CNTN4: variants seen among roughly 807,000 people sequenced by gnomAD.
CNTN4 encodes contactin-4.
CNTN4 carries 77 observed loss-of-function variants against 122.5 expected under a neutral mutation model. The ratio of observed to expected loss-of-function variants is 0.63; its 90% CI spans 0.52 to 0.76. The LOEUF is 0.76. CNTN4 is among the 30% of genes least tolerant of loss of function. CNTN4 has a pLI of 0.00. For missense variants in CNTN4, 1,256 were observed against 1,259.1 expected, an observed-to-expected ratio of 1.00 and a Z score of 0.04; for synonymous variants, 512 against 447.0, an observed-to-expected ratio of 1.15 and a Z score of -1.83.
chr3:2,215,906 A>AAAAAG (rs1213138846), intron 2 of CNTN4, among the ~76,000 whole-genome samples: 1 of 150,590 alleles, frequency 6.6e-6, no homozygotes, highest in Non-Finnish European at 1.5e-5. Flanking sequence ...AAAAAAAAAA[A>AAAAAG]AGAGTTCCCT....
intron 14 of CNTN4, among the ~76,000 whole-genome samples, chr3:2,994,145 C>T (rs1254707777): frequency 6.6e-6 from 1 of 152,088 alleles, no homozygotes; most frequent in Admixed American, 6.5e-5. Flanking sequence ...CTAAACCTCC[C>T]ACCGTCACCA....
At chr3:2,775,539 C>T (rs1246358149) in intron 6 of CNTN4, among the ~76,000 whole-genome samples, 2 of 152,166 alleles carry the variant, frequency 1.3e-5, no homozygotes, top group Non-Finnish European at 2.9e-5. Context: ...CATGCCTCAG[C>T]CTCCAGAGTA....
intron 3 of CNTN4, among the ~76,000 whole-genome samples, chr3:2,373,030 C>T (rs916509420): frequency 2.0e-5 from 3 of 152,144 alleles, no homozygotes; most frequent in Admixed American, 2.0e-4. Flanking sequence ...CTGGGCAACA[C>T]AGTAAGACTC....
At chr3:2,622,214 C>T (rs987421256) in intron 4 of CNTN4, among the ~76,000 whole-genome samples, 1 of 152,078 alleles carries the variant, frequency 6.6e-6, no homozygotes, top group Admixed American at 6.6e-5. Flanking sequence ...ATATTTATTA[C>T]CTTTTGGTGG....
At chr3:2,266,591 A>T in intron 2 of CNTN4, among the ~76,000 whole-genome samples, 1 of 152,084 alleles carries the variant, frequency 6.6e-6, no homozygotes, top group East Asian at 1.9e-4. Flanking sequence ...GTGCCTGTAT[A>T]TATGAGACAA....
intron 13 of CNTN4, among the ~76,000 whole-genome samples, chr3:2,986,482 C>T (rs778825348): frequency 1.2e-4 from 18 of 152,328 alleles, no homozygotes; most frequent in Non-Finnish European, 2.2e-4. Context: ...CACCTTCATA[C>T]CCTCTCATCA....
At chr3:2,265,121 C>G (rs920383531) in intron 2 of CNTN4, among the ~76,000 whole-genome samples, 1 of 152,038 alleles carries the variant, frequency 6.6e-6, no homozygotes, top group African/African-American at 2.4e-5. Flanking sequence ...GTTTGGTTTT[C>G]CATTTCTGAG....
chr3:2,464,274 T>G (rs1309241949), intron 3 of CNTN4, among the ~76,000 whole-genome samples: 1 of 152,178 alleles, frequency 6.6e-6, no homozygotes, highest in Non-Finnish European at 1.5e-5. Flanking sequence ...TTTGGCCAGC[T>G]TGGCAAGCAG....
At chr3:2,926,408 A>G (rs1001326908) in intron 13 of CNTN4, among the ~76,000 whole-genome samples, 1 of 152,230 alleles carries the variant, frequency 6.6e-6, no homozygotes, top group African/African-American at 2.4e-5. Context: ...GCAAATATAT[A>G]GGAGTTATTT....
chr3:2,883,059 G>A, intron 8 of CNTN4, 86 bp from the exon 9 acceptor site: 1 of 875,824 alleles, frequency 1.1e-6, no homozygotes, highest in Non-Finnish European at 1.9e-6. Flanking sequence ...ATGTGTATAA[G>A]CATTCTGCAT....
intron 3 of CNTN4, among the ~76,000 whole-genome samples, chr3:2,462,582 T>A (rs577064957): frequency 4.7e-4 from 72 of 152,312 alleles, no homozygotes; most frequent in African/African-American, 1.7e-3. Flanking sequence ...TTTTGCAGAT[T>A]TTGTATGCCT....
At chr3:2,509,737 G>A in intron 3 of CNTN4, among the ~76,000 whole-genome samples, 1 of 152,124 alleles carries the variant, frequency 6.6e-6, no homozygotes, top group East Asian at 1.9e-4. Context: ...AGTTTGGGTG[G>A]TCTTGGCCTC....
In CNTN4 at chr3:2,185,187, G is replaced by C. The variant is rs560565803; in HGVS notation, c.-145+84548G>C. 2.0e-5 allele frequency among the ~76,000 whole-genome samples: 3 copies of C among 152,192 alleles called. No individual in the cohort carries two copies. The South Asian group carries it at 6.2e-4, about 32-fold the overall frequency. ...TGCTGACTTTTGTTTTCTCTCTTGG[G>C]ATGTATCCACTGAGACAAATGACTC... On this transcript the variant is annotated intron_variant, in intron 2 of 24. Transcript: ENST00000418658.
intron 6 of CNTN4, among the ~76,000 whole-genome samples, chr3:2,796,208 C>G (rs752379978): frequency 6.6e-6 from 1 of 152,214 alleles, no homozygotes; most frequent in African/African-American, 2.4e-5. Flanking sequence ...ATAACTTATA[C>G]CAACTGAAGT....
intron 3 of CNTN4, among the ~76,000 whole-genome samples, chr3:2,447,474 C>T (rs1330511226): frequency 6.6e-6 from 1 of 152,014 alleles, no homozygotes; most frequent in Non-Finnish European, 1.5e-5. Context: ...TTTAAATATG[C>T]TATGTCTATA....
intron 13 of CNTN4, among the ~76,000 whole-genome samples, chr3:2,970,770 T>C (rs374913162): frequency 6.6e-6 from 1 of 151,950 alleles, no homozygotes; most frequent in Non-Finnish European, 1.5e-5. Context: ...TTGTATGTTA[T>C]ATGGATCATG....
At chr3:3,048,008 GTTC>G (rs755849126) in intron 23 of CNTN4, among the ~76,000 whole-genome samples, 11 of 152,322 alleles carry the variant, frequency 7.2e-5, no homozygotes, top group Admixed American at 2.0e-4. Flanking sequence ...CACTTTCTGA[GTTC>G]TTCTTAATTT....
At chr3:3,002,403 A>G (rs746239327) in intron 14 of CNTN4, among the ~76,000 whole-genome samples, 7 of 152,216 alleles carry the variant, frequency 4.6e-5, no homozygotes, top group South Asian at 4.1e-4. Context: ...CTAGGGACGA[A>G]TATAATTCAG....
chr3:2,966,058 T>G (rs9879021), intron 13 of CNTN4, among the ~76,000 whole-genome samples: 3,813 of 152,218 alleles, frequency 0.025, 183 homozygotes, highest in African/African-American at 0.088. Flanking sequence ...TTATTTCCAA[T>G]TCATCTTTAT....
Sources: gnomAD v4.1 joint callset for allele counts (sites outside exome capture counted in the v4.1 genomes callset) on GRCh38, gnomAD v4.1.1 for gene constraint, MANE v1.5 for transcripts, NCBI Gene and HGNC (gene_info 2026-07-23, HGNC 2026-07-21) for gene names.